DOK6: variants seen among roughly 807,000 people sequenced by gnomAD.
DOK6 encodes docking protein 6.
DOK6 carries 22 observed loss-of-function variants against 44.0 expected under a neutral mutation model. The ratio of observed to expected loss-of-function variants is 0.50; its 90% CI spans 0.36 to 0.71. The LOEUF is 0.71. Among genes scored for constraint, DOK6 ranks in the 30% least tolerant of loss-of-function variants. DOK6 has a pLI of 0.00. For synonymous variants in DOK6, 166 were observed against 145.5 expected (o/e 1.14, Z -1.01); for missense variants, 340 against 416.4 (o/e 0.82, Z 1.60).
At chr18:69,716,979 T>G (rs1158665120) in intron 5 of DOK6, among the ~76,000 whole-genome samples, 1 of 152,228 alleles carries the variant, frequency 6.6e-6, no homozygotes, top group Non-Finnish European at 1.5e-5. Context: ...TAATGCTTTT[T>G]AGATTCTTCC....
intron 1 of DOK6, among the ~76,000 whole-genome samples, chr18:69,448,682 T>C (rs1979366695): frequency 6.6e-6 from 1 of 152,184 alleles, no homozygotes; most frequent in South Asian, 2.1e-4. Context: ...CCCAAATTGA[T>C]TCTTAATAGT....
chr18:69,585,722 C>T (rs938169207), intron 2 of DOK6, among the ~76,000 whole-genome samples: 13 of 152,136 alleles, frequency 8.5e-5, no homozygotes, highest in African/African-American at 3.1e-4. Context: ...CTTTTAGCGT[C>T]TATGTAATCT....
chr18:69,771,858 T>A (rs117148510), intron 7 of DOK6, among the ~76,000 whole-genome samples: 4 of 151,972 alleles, frequency 2.6e-5, no homozygotes, highest in Non-Finnish European at 5.9e-5. Flanking sequence ...AAATAATATA[T>A]GGGATAATTT....
At chr18:69,557,279 T>C (rs1982710568) in intron 1 of DOK6, among the ~76,000 whole-genome samples, 1 of 152,204 alleles carries the variant, frequency 6.6e-6, no homozygotes, top group African/African-American at 2.4e-5. Flanking sequence ...CTACTTGAAG[T>C]GCAGAGTTCA....
rs565459433 is a variant in DOK6, at chr18:69,583,414, T to C, written c.175-15970T>C. 3.9e-5 allele frequency among the ~76,000 whole-genome samples: 6 copies of C among 152,338 alleles called. No homozygotes were observed. In the East Asian group the frequency reaches 1.2e-3, roughly 29 times the overall value. ...AGTTTCTACATTTTCCTTACTGCTT[T>C]ATAAGGTTTACTTGTCTGTTTTAAG... On this transcript the variant is annotated intron_variant, in intron 2 of 7. Coordinates refer to ENST00000382713, the MANE Select transcript of DOK6 (RefSeq NM_152721.6).
chr18:69,474,430 C>G (rs1159169562), intron 1 of DOK6, among the ~76,000 whole-genome samples: 2 of 152,154 alleles, frequency 1.3e-5, no homozygotes, highest in African/African-American at 4.8e-5. Context: ...GAGGCAAACT[C>G]TTGCCTGATT....
At chr18:69,512,574 C>T (rs759034079) in intron 1 of DOK6, among the ~76,000 whole-genome samples, 6 of 152,050 alleles carry the variant, frequency 3.9e-5, no homozygotes, top group African/African-American at 1.2e-4. Flanking sequence ...GAACTCCTAA[C>T]CTCAGTTGAT....
intron 3 of DOK6, among the ~76,000 whole-genome samples, chr18:69,624,293 A>G (rs1423823593): frequency 2.0e-5 from 3 of 152,186 alleles, no homozygotes; most frequent in Non-Finnish European, 2.9e-5. Context: ...TTAGTAAATC[A>G]TAATCATTTT....
intron 1 of DOK6, among the ~76,000 whole-genome samples, chr18:69,484,329 A>G (rs1980513030): frequency 6.6e-6 from 1 of 150,600 alleles, no homozygotes; most frequent in South Asian, 2.1e-4. Context: ...ATCCAAATAA[A>G]TGTTTCAGCT....
intron 3 of DOK6, among the ~76,000 whole-genome samples, chr18:69,617,489 GAAGA>G (rs1205384095): frequency 8.5e-5 from 11 of 129,912 alleles, no homozygotes; most frequent in East Asian, 2.2e-4. Flanking sequence ...TAGGAGAAAA[GAAGA>G]AAGAAAGAAA....
intron 1 of DOK6, among the ~76,000 whole-genome samples, chr18:69,501,678 C>T (rs1337186136): frequency 6.6e-6 from 1 of 152,058 alleles, no homozygotes; most frequent in Non-Finnish European, 1.5e-5. Context: ...ACCTCTTTAG[C>T]TTTTCTGATA....
intron 7 of DOK6, chr18:69,781,353 C>A (rs1381334488): frequency 2.0e-5 from 3 of 152,170 alleles, no homozygotes; most frequent in Non-Finnish European, 4.4e-5. Context: ...CACTCACCAT[C>A]TGTTCATGGA....
At chr18:69,641,258 A>G (rs1318969292) in intron 3 of DOK6, among the ~76,000 whole-genome samples, 1 of 152,040 alleles carries the variant, frequency 6.6e-6, no homozygotes, top group Non-Finnish European at 1.5e-5. Context: ...TGATAAAATA[A>G]ATATGAAGTA....
At chr18:69,716,583 C>T (rs1425460040) in intron 5 of DOK6, among the ~76,000 whole-genome samples, 1 of 149,782 alleles carries the variant, frequency 6.7e-6, no homozygotes, top group Non-Finnish European at 1.5e-5. Context: ...TAATCTGCCT[C>T]AAAATGTCCC....
chr18:69,448,207 C>T lies in DOK6; in HGVS notation c.66+46897C>T, dbSNP rs115428498. Among the ~76,000 whole-genome samples, 994 of 152,238 alleles carry T rather than the reference C, an allele frequency of 6.5e-3. 11 individuals are homozygous for T. Among genetic ancestry groups the T allele is most frequent in the African/African-American group, 0.022 (904 of 41,540 alleles). On this transcript the variant is annotated intron_variant, in intron 1 of 7. Coordinates refer to ENST00000382713, the MANE Select transcript of DOK6 (RefSeq NM_152721.6). ...AAATTCTTACTTCATTAAACTTTCACCAGATTGTTTTAAGTGTTTAACTAG... is the reference window on the plus strand; with the variant it reads ...AAATTCTTACTTCATTAAACTTTCATCAGATTGTTTTAAGTGTTTAACTAG...
chr18:69,436,925 T>C (rs1001693796), intron 1 of DOK6, among the ~76,000 whole-genome samples: 8 of 152,242 alleles, frequency 5.3e-5, no homozygotes, highest in Middle Eastern at 6.3e-3. Flanking sequence ...GATGAGCTTT[T>C]TTTCTATGTT....
chr18:69,459,365 C>CTAT (rs1377331710), intron 1 of DOK6, among the ~76,000 whole-genome samples: 1 of 151,996 alleles, frequency 6.6e-6, no homozygotes, highest in African/African-American at 2.4e-5. Flanking sequence ...TATTTAAAAT[C>CTAT]TATTCTCCAA....
At chr18:69,507,682 C>G (rs565444552) in intron 1 of DOK6, among the ~76,000 whole-genome samples, 2 of 151,940 alleles carry the variant, frequency 1.3e-5, no homozygotes, top group East Asian at 3.9e-4. Context: ...AGTTTTTGAT[C>G]TTCATTGTTT....
intron 5 of DOK6, among the ~76,000 whole-genome samples, chr18:69,709,385 T>C (rs1408598938): frequency 6.6e-6 from 1 of 152,156 alleles, no homozygotes; most frequent in African/African-American, 2.4e-5. Flanking sequence ...CAAATGTTAA[T>C]TTTTTTCCCA....
Sources: gnomAD v4.1 joint callset for allele counts (sites outside exome capture counted in the v4.1 genomes callset) on GRCh38, gnomAD v4.1.1 for gene constraint, MANE v1.5 for transcripts, NCBI Gene and HGNC (gene_info 2026-07-23, HGNC 2026-07-21) for gene names.